The following MSRA variants were observed in gnomAD, a reference collection of about 807,000 sequenced individuals.
The protein encoded by MSRA is methionine sulfoxide reductase A.
MSRA carries 54 observed loss-of-function variants against 31.3 expected under a neutral mutation model. The observed-to-expected ratio is 1.73, with a 90% CI of 1.39 to 2.17. MSRA has a LOEUF of 2.17. Among genes scored for constraint, MSRA ranks in the 30% most tolerant of loss-of-function variants. MSRA has a pLI of 0.00. For synonymous variants in MSRA, 169 were observed against 116.5 expected (o/e 1.45, Z -2.90); for missense variants, 507 against 300.9 (o/e 1.69, Z -5.07).
In MSRA at chr8:10,128,540, C is replaced by T. The variant is rs372166342; in HGVS notation, c.142+73882C>T. 2.8e-4 allele frequency among the ~76,000 whole-genome samples: 43 copies of T among 152,284 alleles called. No homozygotes were observed. The East Asian group carries it at 7.9e-3, about 28-fold the overall frequency. ...CTATTAATGTATCATTCTCCTGGGG[C>T]ATCACAGCTGAGGCTGGTGTAGGCT... On this transcript the variant is annotated intron_variant, in intron 1 of 5. Transcript: ENST00000317173.
chr8:10,334,165 GGT>G (rs1170369259), intron 5 of MSRA, among the ~76,000 whole-genome samples: 230 of 143,350 alleles, frequency 1.6e-3, no homozygotes, highest in African/African-American at 5.3e-3. Flanking sequence ...AACATATAGG[GGT>G]GTGTGTGTGT....
rs751193724 is a variant in MSRA at position 10,207,892 on chromosome 8, G to T, written c.202G>T (p.Ala68Ser). The stretch of plus-strand genomic sequence containing the variant: ...ACCTTTCCCAGAGGGAACACAGATG[G>T]CTGTATTTGGTAAGATATCAATTCT... ...VEPFPEGTQM[A>S]VFGMGCFWGA... The change falls in exon 2 of 6, where the codon GCT becomes TCT. Residue 68 changes from alanine (A) to serine (S), a missense_variant. Transcript: ENST00000317173. 2 of 1,611,522 alleles carry T rather than the reference G, an allele frequency of 1.2e-6. No individual in the cohort carries two copies. Among genetic ancestry groups the T allele is most frequent in the Non-Finnish European group, 1.7e-6 (2 of 1,178,488 alleles).
At chr8:10,106,791 G>C (rs1396416537) in intron 1 of MSRA, among the ~76,000 whole-genome samples, 2 of 151,972 alleles carry the variant, frequency 1.3e-5, no homozygotes, top group Admixed American at 1.3e-4. Context: ...TGTGTCCTTA[G>C]GTCATTCCTT....
chr8:10,144,006 T>G (rs1379302074), intron 1 of MSRA, among the ~76,000 whole-genome samples: 1 of 152,168 alleles, frequency 6.6e-6, no homozygotes, highest in African/African-American at 2.4e-5. Context: ...CAGAGCCTCG[T>G]GAGGCTCGTG....
chr8:10,067,214 T>C (rs1797499677), intron 1 of MSRA, among the ~76,000 whole-genome samples: 1 of 152,194 alleles, frequency 6.6e-6, no homozygotes, highest in Non-Finnish European at 1.5e-5. Flanking sequence ...CACTGAACTT[T>C]TTTTATTGTC....
chr8:10,297,413 A>G (rs1800604864), intron 3 of MSRA, among the ~76,000 whole-genome samples: 2 of 152,226 alleles, frequency 1.3e-5, no homozygotes, highest in African/African-American at 2.4e-5. Context: ...TGCACGTCAC[A>G]TCTATCATGC....
In MSRA at chr8:10,169,914, TTTC is replaced by T. The variant is rs1168636811; in HGVS notation, c.143-37916_143-37914del. Reference sequence around the variant, plus strand: ...TGCCCATTCCTTGGTATTTTCTTTCTTTCTTTTTTTTTTTTTTTGAGACGGAGT... The same window carrying T: ...TGCCCATTCCTTGGTATTTTCTTTCTTTTTTTTTTTTTTTTGAGACGGAGT... On this transcript the variant is annotated intron_variant, in intron 1 of 5. Transcript: ENST00000317173. Among the ~76,000 whole-genome samples, 3 of 128,726 alleles carry T rather than the reference TTTC, an allele frequency of 2.3e-5. 1 individual carries two copies. Among genetic ancestry groups the T allele is most frequent in the Non-Finnish European group, 4.6e-5 (3 of 64,994 alleles). 84.4% of individuals were successfully genotyped at this position (128,726 alleles called of 152,430 possible).
rs192236721 is a variant in MSRA at position 10,081,459 on chromosome 8, G to T, written c.142+26801G>T. On this transcript the variant is annotated intron_variant, in intron 1 of 5. Coordinates refer to ENST00000317173, the MANE Select transcript of MSRA (RefSeq NM_012331.5). The stretch of plus-strand genomic sequence containing the variant: ...CCGCCTCAAGGTTCGGGCATCTCCA[G>T]ATGCTACCTCTTTTTCACACTGAAT... Among the ~76,000 whole-genome samples the T allele has an allele frequency of 1.9e-3, 287 of 152,270 alleles. 2 individuals carry two copies. The highest frequency in any genetic ancestry group is 6.6e-3 in the African/African-American group (274 of 41,552).
intron 4 of MSRA, among the ~76,000 whole-genome samples, chr8:10,304,067 C>A (rs1563329608): frequency 6.6e-6 from 1 of 152,214 alleles, no homozygotes; most frequent in Admixed American, 6.5e-5. Flanking sequence ...TCCTGAGTAG[C>A]TGGGATTACA....
chr8:10,088,903 T>A (rs1055871796), intron 1 of MSRA, among the ~76,000 whole-genome samples: 2 of 152,178 alleles, frequency 1.3e-5, no homozygotes, highest in African/African-American at 4.8e-5. Flanking sequence ...TATTACATAA[T>A]CTCACTTATA....
At chr8:10,164,514 T>TTC (rs1804949851) in intron 1 of MSRA, among the ~76,000 whole-genome samples, 3 of 152,134 alleles carry the variant, frequency 2.0e-5, no homozygotes, top group African/African-American at 7.2e-5. Flanking sequence ...GACTCCTGAA[T>TTC]AGGCCGAAGA....
intron 1 of MSRA, among the ~76,000 whole-genome samples, chr8:10,088,138 G>A (rs1585120059): frequency 6.6e-6 from 1 of 152,114 alleles, no homozygotes; most frequent in Non-Finnish European, 1.5e-5. Context: ...TGTTTCTTCT[G>A]CCACTCTCAA....
chr8:10,169,972 G>A (rs3958939), intron 1 of MSRA, among the ~76,000 whole-genome samples: 42,962 of 139,238 alleles, frequency 0.31, 8,778 homozygotes, highest in African/African-American at 0.56. Flanking sequence ...CTAGAGTACA[G>A]TGACGCAATC....
chr8:10,334,348 T>C (rs1802893103), intron 5 of MSRA, among the ~76,000 whole-genome samples: 1 of 152,060 alleles, frequency 6.6e-6, no homozygotes, highest in South Asian at 2.1e-4. Flanking sequence ...GGGCCTTTGT[T>C]GTTCTGGCAG....
chr8:10,209,253 A>G (rs1391906282), intron 2 of MSRA, among the ~76,000 whole-genome samples: 4 of 152,242 alleles, frequency 2.6e-5, no homozygotes, highest in South Asian at 4.1e-4. Context: ...ACATATATCA[A>G]TGTTCAAAGG....
chr8:10,133,674 G>C (rs1472554319), intron 1 of MSRA, among the ~76,000 whole-genome samples: 2 of 152,190 alleles, frequency 1.3e-5, no homozygotes, highest in Admixed American at 1.3e-4. Context: ...GGACGAGACA[G>C]ATGCAAAGTA....
rs181001877 is a variant in MSRA, at chr8:10,075,206, C to T, written c.142+20548C>T. ...AGCTTATTTACTTATGTGGATCCCT[C>T]CCACACCTAGGCATGTCTGTTACAT... is the stretch of plus-strand genomic sequence containing the variant. On this transcript the variant is annotated intron_variant, in intron 1 of 5. Coordinates refer to ENST00000317173, the MANE Select transcript of MSRA (RefSeq NM_012331.5). Among the ~76,000 whole-genome samples, 6 of 152,254 alleles carry T rather than the reference C, an allele frequency of 3.9e-5. No individual in the cohort carries two copies. The East Asian group carries it at 9.7e-4, about 24-fold the overall frequency.
chr8:10,380,908 G>A (rs1238574420), intron 5 of MSRA, among the ~76,000 whole-genome samples: 1 of 151,676 alleles, frequency 6.6e-6, no homozygotes, highest in Non-Finnish European at 1.5e-5. Flanking sequence ...GAAGGCTGGA[G>A]GGAGGGGGAG....
chr8:10,373,254 TG>T (rs1362710420), intron 5 of MSRA, among the ~76,000 whole-genome samples: 1 of 152,214 alleles, frequency 6.6e-6, no homozygotes, highest in African/African-American at 2.4e-5. Context: ...AAATAGGTAC[TG>T]TTTTTACTGA....
Sources: gnomAD v4.1 joint callset for allele counts (sites outside exome capture counted in the v4.1 genomes callset) on GRCh38, gnomAD v4.1.1 for gene constraint, MANE v1.5 for transcripts, NCBI Gene and HGNC (gene_info 2026-07-23, HGNC 2026-07-21) for gene names.